INPP5F: variants seen among roughly 807,000 people sequenced by gnomAD.
The protein encoded by INPP5F is inositol polyphosphate-5-phosphatase F.
INPP5F carries 97 observed loss-of-function variants against 137.2 expected under a neutral mutation model. That is an observed-to-expected ratio of 0.71 (90% CI 0.60 to 0.84). INPP5F has a LOEUF of 0.84. INPP5F is among the 40% of genes least tolerant of loss of function. The pLI is 0.00. For missense variants in INPP5F, 1,271 were observed against 1,371.9 expected (o/e 0.93, Z 1.16); for synonymous variants, 504 against 476.9 (o/e 1.06, Z -0.74).
chr10:119,763,897 A>G (rs1317276657), intron 2 of INPP5F, among the ~76,000 whole-genome samples: 1 of 152,242 alleles, frequency 6.6e-6, no homozygotes, highest in Non-Finnish European at 1.5e-5. Flanking sequence ...TCCACAAAAT[A>G]CTAGAACATG....
rs779108063 is a variant in INPP5F at position 119,827,748 on chromosome 10, A to G, written c.3367A>G (p.Ile1123Val). Residue 1123 changes from isoleucine (I) to valine (V), a missense_variant, in exon 20 of 20, where the codon ATA (isoleucine) becomes GTA (valine). Ile to Val is a conservative substitution (Grantham distance 29). This residue lies in a region of INPP5F where 490 missense variants were observed against 443.7 expected (regional missense o/e 1.10). Transcript: ENST00000650623. Reference sequence around the variant, plus strand: ...GCAAAATGAACTTAAAAAGATGTTTATACAATGCCAGACACGGATAATTCA... The same window carrying G: ...GCAAAATGAACTTAAAAAGATGTTTGTACAATGCCAGACACGGATAATTCA... ...VQQNELKKMFIQCQTRIIQI is the reference protein window; with the variant it reads ...VQQNELKKMFVQCQTRIIQI 3 of 1,612,536 alleles carry G rather than the reference A, an allele frequency of 1.9e-6. No individual in the cohort carries two copies. Among genetic ancestry groups the G allele is most frequent in the Non-Finnish European group, 2.5e-6 (3 of 1,179,030 alleles).
intron 2 of INPP5F, among the ~76,000 whole-genome samples, chr10:119,756,862 C>CTA (rs1848861312): frequency 1.8e-5 from 1 of 56,624 alleles, no homozygotes; most frequent in Admixed American, 2.2e-4. Flanking sequence ...GCAAGCTCTG[C>CTA]CACAAAAAAA....
At chr10:119,799,606 T>C (rs140049944) in intron 9 of INPP5F, among the ~76,000 whole-genome samples, 1,639 of 152,252 alleles carry the variant, frequency 0.011, 6 homozygotes, top group Non-Finnish European at 0.018. Flanking sequence ...AGTATTTAGG[T>C]TTTGAAATAA....
intron 2 of INPP5F, among the ~76,000 whole-genome samples, chr10:119,756,015 G>A (rs1018020475): frequency 2.0e-5 from 3 of 152,020 alleles, no homozygotes; most frequent in Non-Finnish European, 4.4e-5. Flanking sequence ...AATTAGCCAG[G>A]TGTGGTGGCA....
At chr10:119,729,653 T>G (rs563492599) in intron 1 of INPP5F, among the ~76,000 whole-genome samples, 1 of 151,894 alleles carries the variant, frequency 6.6e-6, no homozygotes, top group East Asian at 1.9e-4. Flanking sequence ...CATGGCTTGC[T>G]GTAGCCCCTA....
chr10:119,746,726 A>C (rs1016178050), intron 1 of INPP5F, among the ~76,000 whole-genome samples: 7 of 152,202 alleles, frequency 4.6e-5, no homozygotes, highest in African/African-American at 1.2e-4. Flanking sequence ...TATAAAGAAA[A>C]ATTAGGAGGC....
intron 1 of INPP5F, among the ~76,000 whole-genome samples, chr10:119,728,377 A>G (rs1474645904): frequency 6.6e-6 from 1 of 152,242 alleles, no homozygotes; most frequent in African/African-American, 2.4e-5. Context: ...TAAGAATGGC[A>G]TTTTAATTGA....
chr10:119,789,914 T>A (rs903618660), intron 3 of INPP5F, among the ~76,000 whole-genome samples: 7 of 150,778 alleles, frequency 4.6e-5, no homozygotes, highest in Non-Finnish European at 8.9e-5. Context: ...GGTGAAGCCG[T>A]GTGTTGTAGG....
chr10:119,817,122 G>T (rs1458932036), intron 15 of INPP5F, among the ~76,000 whole-genome samples: 2 of 152,222 alleles, frequency 1.3e-5, no homozygotes, highest in Non-Finnish European at 2.9e-5. Flanking sequence ...GCTGCTTTCA[G>T]TTAGCATAAT....
At chr10:119,805,297 G>A (rs1038664609) in intron 10 of INPP5F, 87 bp from the exon 11 acceptor site, 32 of 949,106 alleles carry the variant, frequency 3.4e-5, no homozygotes, top group African/African-American at 1.5e-4. Flanking sequence ...TTAATTTTTC[G>A]AAGCTACATT....
At chr10:119,744,493 C>T (rs1337756307) in intron 1 of INPP5F, among the ~76,000 whole-genome samples, 4 of 31,564 alleles carry the variant, frequency 1.3e-4, no homozygotes, top group Non-Finnish European at 2.3e-4. Context: ...GCTTTTATAC[C>T]TGTAGCATTT....
intron 8 of INPP5F, 69 bp from the exon 9 acceptor site, chr10:119,798,474 A>C: frequency 1.0e-6 from 1 of 984,386 alleles, no homozygotes; most frequent in Non-Finnish European, 1.6e-6. Flanking sequence ...GTAAGAATAA[A>C]GATGGAGTAG....
At chr10:119,777,379 A>G (rs1407262561) in intron 2 of INPP5F, among the ~76,000 whole-genome samples, 3 of 152,148 alleles carry the variant, frequency 2.0e-5, no homozygotes, top group African/African-American at 7.2e-5. Context: ...CACAAAAATT[A>G]GCCAGGCGTG....
At chr10:119,764,953 A>G (rs1431816122) in intron 2 of INPP5F, among the ~76,000 whole-genome samples, 1 of 150,736 alleles carries the variant, frequency 6.6e-6, no homozygotes, top group Non-Finnish European at 1.5e-5. Flanking sequence ...ATTTTTTGAG[A>G]CAGAGTTTCC....
chr10:119,787,081 ATG>A lies in INPP5F; in HGVS notation c.316-4434_316-4433del, dbSNP rs1297447323. Among the ~76,000 whole-genome samples the A allele has an allele frequency of 2.0e-5, 3 of 152,156 alleles. No homozygotes were observed. Among genetic ancestry groups the A allele is most frequent in the Non-Finnish European group, 2.9e-5 (2 of 68,032 alleles). On this transcript the variant is annotated intron_variant, in intron 3 of 19. Transcript: ENST00000650623. This position sits in a 1 kb window ranked among gnomAD's most constrained non-coding sequence, Gnocchi z 4.1. The stretch of plus-strand genomic sequence containing the variant: ...TAATGTTTCTTAAACAATGGTATGA[ATG>A]TTCATACTAAGGGAGGTAAGTGATG...
chr10:119,751,304 A>C, intron 2 of INPP5F, 148 bp downstream of exon 2: 1 of 638,596 alleles, frequency 1.6e-6, no homozygotes, highest in Non-Finnish European at 2.8e-6. Context: ...TAATGAGCGA[A>C]GACCTGTTTC....
intron 8 of INPP5F, among the ~76,000 whole-genome samples, chr10:119,797,956 G>T (rs1701015227): frequency 6.6e-6 from 1 of 151,962 alleles, no homozygotes; most frequent in Non-Finnish European, 1.5e-5. Context: ...GCCAATATTT[G>T]TAGAAGCAGG....
chr10:119,822,555 C>A, intron 17 of INPP5F, 51 bp downstream of exon 17: 2 of 800,062 alleles, frequency 2.5e-6, no homozygotes, highest in South Asian at 1.8e-5. Flanking sequence ...CTGTTGTTTC[C>A]AAGAGGGGGT....
chr10:119,753,493 G>C (rs961381676), intron 2 of INPP5F, among the ~76,000 whole-genome samples: 2 of 152,174 alleles, frequency 1.3e-5, no homozygotes, highest in South Asian at 2.1e-4. Context: ...GGTCATTCAC[G>C]TAGCAACATT....
Sources: allele counts gnomAD v4.1 joint callset (sites outside exome capture counted in the v4.1 genomes callset), GRCh38; gene constraint gnomAD v4.1.1; regional missense constraint gnomAD v4.1.1; non-coding constraint Gnocchi (gnomAD v3.1); transcripts MANE v1.5; gene names NCBI Gene and HGNC (gene_info 2026-07-23, HGNC 2026-07-21).